Variants in STARD13 observed in about 807,000 individuals in gnomAD.
STARD13 encodes stAR-related lipid transfer protein 13.
A neutral mutation model predicts 106.4 loss-of-function variants in STARD13; 62 were observed. The observed-to-expected ratio is 0.58, with a 90% confidence interval of 0.48 to 0.72. The LOEUF is 0.72. Among genes scored for constraint, STARD13 ranks in the 30% least tolerant of loss-of-function variants. The pLI is 0.00. For synonymous variants in STARD13, 565 were observed against 553.0 expected (o/e 1.02, Z -0.31); for missense variants, 1,387 against 1,424.0 (o/e 0.97, Z 0.42).
chr13:33,625,594 A>C, the STARD13 span, among the ~76,000 whole-genome samples: 4 of 152,114 alleles, frequency 2.6e-5, no homozygotes, highest in Non-Finnish European at 4.4e-5. Context: ...ATAAAAAAGA[A>C]GTTGTCAAAA....
At chr13:33,596,885 G>T in the STARD13 span, among the ~76,000 whole-genome samples, 1 of 152,134 alleles carries the variant, frequency 6.6e-6, no homozygotes, top group African/African-American at 2.4e-5. Flanking sequence ...TTTTGTGGCT[G>T]AATAGTATGC....
At chr13:33,460,920 TA>T in the STARD13 span, among the ~76,000 whole-genome samples, 6 of 152,206 alleles carry the variant, frequency 3.9e-5, no homozygotes, top group Admixed American at 3.9e-4. Flanking sequence ...AGAAATGAAT[TA>T]TTGATATAAG....
chr13:33,260,956 G>A (rs1566104425), intron 1 of STARD13, among the ~76,000 whole-genome samples: 1 of 152,160 alleles, frequency 6.6e-6, no homozygotes, highest in Admixed American at 6.5e-5. Flanking sequence ...CATTCCTGGT[G>A]TAATTATTTA....
At chr13:33,331,526 ATTTTT>A (rs35827468) in intron 1 of STARD13, among the ~76,000 whole-genome samples, 1 of 130,826 alleles carries the variant, frequency 7.6e-6, no homozygotes, top group Non-Finnish European at 1.6e-5. Flanking sequence ...CTGATTTTGT[ATTTTT>A]TTTTTTTTTT....
At chr13:33,125,936 T>TCAAATTAAATATG in intron 7 of STARD13, 145 bp downstream of exon 7, 1 of 785,856 alleles carries the variant, frequency 1.3e-6, no homozygotes, top group South Asian at 2.0e-5. Context: ...AATTAAATAT[T>TCAAATTAAATATG]GCTACATAAA....
the STARD13 span, among the ~76,000 whole-genome samples, chr13:33,361,162 C>G: frequency 1.3e-5 from 2 of 151,184 alleles, no homozygotes. Flanking sequence ...TCCACCTCCT[C>G]TGCTTCTTCC....
intron 1 of STARD13, among the ~76,000 whole-genome samples, chr13:33,273,659 T>A (rs1304993897): frequency 1.3e-5 from 2 of 152,212 alleles, no homozygotes; most frequent in Non-Finnish European, 2.9e-5. Flanking sequence ...AGGAATGAAA[T>A]CCTTAGAGGA....
the STARD13 span, among the ~76,000 whole-genome samples, chr13:33,437,488 G>A: frequency 1.3e-5 from 2 of 152,188 alleles, no homozygotes; most frequent in East Asian, 1.9e-4. Flanking sequence ...CTGCTAAAAC[G>A]GAGCAAAGCT....
intron 3 of STARD13, among the ~76,000 whole-genome samples, chr13:33,149,219 A>G (rs895543685): frequency 1.3e-5 from 2 of 152,212 alleles, no homozygotes; most frequent in East Asian, 3.9e-4. Context: ...TGATATGTCA[A>G]TGTAGGTTCA....
At chr13:33,627,340 A>T in the STARD13 span, among the ~76,000 whole-genome samples, 11 of 152,186 alleles carry the variant, frequency 7.2e-5, no homozygotes, top group African/African-American at 2.4e-4. Flanking sequence ...ATGCTATAAC[A>T]TATGTATTAT....
At chr13:33,237,692 A>T (rs1889261472) in intron 1 of STARD13, among the ~76,000 whole-genome samples, 1 of 152,148 alleles carries the variant, frequency 6.6e-6, no homozygotes, top group Admixed American at 6.5e-5. Flanking sequence ...CACCCATTTG[A>T]CTACACTTAC....
intron 1 of STARD13, chr13:33,277,320 G>T (rs1891496759): frequency 6.6e-6 from 1 of 152,098 alleles, no homozygotes; most frequent in South Asian, 2.1e-4. Flanking sequence ...AACATCTGAA[G>T]AATATATTTG....
chr13:33,201,983 A>ATGC (rs61215194), intron 1 of STARD13, among the ~76,000 whole-genome samples: 3,469 of 152,164 alleles, frequency 0.023, 124 homozygotes, highest in African/African-American at 0.077. Context: ...AAATAATATC[A>ATGC]TGCTGAACAT....
At chr13:33,270,910 G>A (rs1303522797) in intron 1 of STARD13, among the ~76,000 whole-genome samples, 1 of 152,098 alleles carries the variant, frequency 6.6e-6, no homozygotes, top group Non-Finnish European at 1.5e-5. Context: ...TGCAACCAAG[G>A]ACCCCAAAAT....
the STARD13 span, among the ~76,000 whole-genome samples, chr13:33,527,647 C>T: frequency 6.6e-6 from 1 of 151,858 alleles, no homozygotes; most frequent in South Asian, 2.1e-4. Flanking sequence ...CTTTATTCAT[C>T]CTGTTCTGTT....
the STARD13 span, among the ~76,000 whole-genome samples, chr13:33,438,408 G>T: frequency 2.0e-5 from 3 of 152,112 alleles, no homozygotes; most frequent in African/African-American, 7.2e-5. Context: ...TTACTATTTG[G>T]ACACATTCAT....
rs528716324 is a variant in STARD13, at chr13:33,222,208, C to T, written c.170-54586G>A. 2.0e-5 allele frequency among the ~76,000 whole-genome samples: 3 copies of T among 152,126 alleles called. No homozygotes were observed. In the East Asian group the frequency reaches 5.8e-4, roughly 29 times the overall value. ...ATGAGTGAAGCTTGAGAACATTAGG[C>T]TAAGTGAAAAATACCAGTCACAGGA... is the stretch of plus-strand genomic sequence containing the variant. On this transcript the variant is annotated intron_variant, in intron 1 of 13. Coordinates refer to ENST00000336934, the MANE Select transcript of STARD13 (RefSeq NM_178006.4).
At chr13:33,355,103 C>A (rs139974910), upstream of STARD13, 1 of 152,110 alleles carries the variant, frequency 6.6e-6, no homozygotes, top group Non-Finnish European at 1.5e-5. Context: ...TCTAAAATTA[C>A]AAATAATCCT....
chr13:33,460,049 C>A, the STARD13 span, among the ~76,000 whole-genome samples: 1 of 152,108 alleles, frequency 6.6e-6, no homozygotes, highest in East Asian at 1.9e-4. Context: ...TTCTTACACT[C>A]GGAGTTCACT....
Sources: allele counts gnomAD v4.1 joint callset (sites outside exome capture counted in the v4.1 genomes callset), GRCh38; gene constraint gnomAD v4.1.1; transcripts MANE v1.5; gene names NCBI Gene and HGNC (gene_info 2026-07-23, HGNC 2026-07-21).